Variants in ZBTB8B observed in about 807,000 individuals in gnomAD.
ZBTB8B encodes zinc finger and BTB domain-containing protein 8B.
ZBTB8B carries 17 observed loss-of-function variants against 30.3 expected under a neutral mutation model. The observed-to-expected ratio is 0.56, with a 90% CI of 0.38 to 0.84. The LOEUF (loss-of-function observed/expected upper bound fraction) is 0.84. ZBTB8B is among the 40% of genes least tolerant of loss of function. The pLI is 0.00. For synonymous variants in ZBTB8B, 248 were observed against 255.6 expected (o/e 0.97, Z 0.28); for missense variants, 515 against 644.9 (o/e 0.80, Z 2.18).
At chr1:32,479,409 G>T (rs1290919157) in intron 2 of ZBTB8B, among the ~76,000 whole-genome samples, 2 of 152,114 alleles carry the variant, frequency 1.3e-5, no homozygotes, top group Non-Finnish European at 2.9e-5. Flanking sequence ...TGTAATCCCA[G>T]CTACTCCGAA....
intron 2 of ZBTB8B, among the ~76,000 whole-genome samples, chr1:32,474,311 A>T (rs1280542176): frequency 7.7e-6 from 1 of 129,508 alleles, no homozygotes; most frequent in Admixed American, 8.9e-5. Flanking sequence ...GTTTGAGACC[A>T]GCCCGGGCAA....
rs538678124 is a variant in ZBTB8B at position 32,490,549 on chromosome 1, G to A, written c.*5131G>A. ...TTTTGGGGTCAGAGTAGTTTGGTTGGTTCCTAAACATGTCCTAGTTTTTGT... is the reference window on the plus strand; with the variant it reads ...TTTTGGGGTCAGAGTAGTTTGGTTGATTCCTAAACATGTCCTAGTTTTTGT... On this transcript the variant is annotated 3_prime_UTR_variant, in exon 4 of 4. Coordinates refer to ENST00000609129, the MANE Select transcript of ZBTB8B (RefSeq NM_001145720.2). 6.6e-6 allele frequency: 1 copy of A among 152,234 alleles called. No individual in the cohort carries two copies. The highest frequency in any genetic ancestry group is 2.1e-4 in the South Asian group (1 of 4,820). 9.4% of individuals were successfully genotyped at this position (152,234 alleles called of 1,614,324 possible). A position where few individuals can be genotyped will look rare whatever the true frequency, so the allele number is the denominator to read the frequency against.
rs186773914 is a variant in ZBTB8B, at chr1:32,465,560, G to T, written c.-42+455G>T. On this transcript the variant is annotated intron_variant, in intron 1 of 3. Transcript: ENST00000609129. This position sits in a 1 kb window ranked among gnomAD's most constrained non-coding sequence, Gnocchi z 4.1. ...CTCTGCAGGTCGTCTGATGCTGGAC[G>T]GGGGAGGGTCTGTCTTGCGAGCAGT... Among the ~76,000 whole-genome samples, 13 of 152,332 alleles carry T rather than the reference G, an allele frequency of 8.5e-5. No homozygotes were observed. The highest frequency in any genetic ancestry group is 2.0e-4 in the Admixed American group (3 of 15,298).
intron 2 of ZBTB8B, among the ~76,000 whole-genome samples, chr1:32,476,961 G>A (rs1643668923): frequency 6.6e-6 from 1 of 152,144 alleles, no homozygotes; most frequent in South Asian, 2.1e-4. Flanking sequence ...CTGAATGAAT[G>A]AATGAATGTG....
At chr1:32,475,551 A>G (rs1643659105) in intron 2 of ZBTB8B, among the ~76,000 whole-genome samples, 1 of 152,176 alleles carries the variant, frequency 6.6e-6, no homozygotes, top group Admixed American at 6.5e-5. Context: ...ACACCACTGC[A>G]CTCCAGCCTG....
At chr1:32,473,083 AG>A (rs1186264834) in intron 2 of ZBTB8B, among the ~76,000 whole-genome samples, 1 of 152,258 alleles carries the variant, frequency 6.6e-6, no homozygotes, top group East Asian at 1.9e-4. Flanking sequence ...TTGTGTTATA[AG>A]GTGTCTTGTA....
rs1643816186 is a variant in ZBTB8B, at chr1:32,496,172, A to C, written c.*10754A>C. The C allele has an allele frequency of 6.6e-6, 1 of 152,206 alleles. No individual in the cohort carries two copies. Among genetic ancestry groups the C allele is most frequent in the Admixed American group, 6.6e-5 (1 of 15,260 alleles). The allele number at this position is 152,206 out of a possible 1,614,324, so 9.4% of individuals were successfully genotyped here. ...GACCAACAATTTAGTAATACGAGACAATTTCTGGCAGACTATCCCAAGCTG... is the reference window on the plus strand; with the variant it reads ...GACCAACAATTTAGTAATACGAGACCATTTCTGGCAGACTATCCCAAGCTG... On this transcript the variant is annotated 3_prime_UTR_variant, in exon 4 of 4. Coordinates refer to ENST00000609129, the MANE Select transcript of ZBTB8B (RefSeq NM_001145720.2).
rs1378738869 is a variant in ZBTB8B at position 32,489,757 on chromosome 1, T to TG, written c.*4344dup. On this transcript the variant is annotated 3_prime_UTR_variant, in exon 4 of 4. Coordinates refer to ENST00000609129, the MANE Select transcript of ZBTB8B (RefSeq NM_001145720.2). The stretch of plus-strand genomic sequence containing the variant: ...GGCATTCTTGGGAAGTTATTTCTCT[T>TG]GGGGGATGAGGACCCCCTTCTCAAA... The TG allele has an allele frequency of 6.6e-6, 1 of 152,220 alleles. No individual in the cohort carries two copies. Among genetic ancestry groups the TG allele is most frequent in the Non-Finnish European group, 1.5e-5 (1 of 68,054 alleles). The allele number at this position is 152,220 out of a possible 1,614,324, so 9.4% of individuals were successfully genotyped here.
Position 32,466,439 on chromosome 1 carries a change from G to C in ZBTB8B, c.-42+1334G>C, listed in dbSNP as rs185137931. ...CCGTGGGATGGTTGGGAGGTTCCCT[G>C]CCAGAGTGCGGATAAATGTGCTTCT... On this transcript the variant is annotated intron_variant, in intron 1 of 3. Transcript: ENST00000609129. 3.9e-5 allele frequency among the ~76,000 whole-genome samples: 6 copies of C among 152,292 alleles called. No homozygotes were observed. In the East Asian group the frequency reaches 1.2e-3, roughly 29 times the overall value.
intron 2 of ZBTB8B, among the ~76,000 whole-genome samples, chr1:32,474,343 C>CAAAAAAAAAAAAAAAAAAAAAA (rs57001984): frequency 2.6e-5 from 1 of 39,142 alleles, no homozygotes; most frequent in African/African-American, 9.8e-5. Flanking sequence ...CCCATCTCTA[C>CAAAAAAAAAAAAAAAAAAAAAA]AAAAAAAAAA....
intron 2 of ZBTB8B, among the ~76,000 whole-genome samples, chr1:32,479,421 G>T (rs1643688328): frequency 6.6e-6 from 1 of 152,108 alleles, no homozygotes; most frequent in Non-Finnish European, 1.5e-5. Flanking sequence ...TACTCCGAAG[G>T]CTGAGGCAGG....
intron 1 of ZBTB8B, among the ~76,000 whole-genome samples, chr1:32,466,634 A>G (rs1346771466): frequency 6.6e-6 from 1 of 152,196 alleles, no homozygotes; most frequent in Non-Finnish European, 1.5e-5. Context: ...ATACGGATAG[A>G]CTTTTGCAAC....
At chr1:32,482,804 C>G (rs1416800415) in intron 3 of ZBTB8B, among the ~76,000 whole-genome samples, 3 of 150,426 alleles carry the variant, frequency 2.0e-5, no homozygotes, top group Middle Eastern at 3.2e-3. Flanking sequence ...GGATGAATAA[C>G]TCAATTAAAC....
Position 32,465,361 on chromosome 1 carries a change from G to T in ZBTB8B, c.-42+256G>T, listed in dbSNP as rs1018011829. ...TGTCCTCCGCGTCGTCCAGCCGGGG[G>T]TCGCGGCGCCGACTACTTCCACGGT... On this transcript the variant is annotated intron_variant, in intron 1 of 3. Transcript: ENST00000609129. The surrounding 1 kb of genome is among the most constrained non-coding windows in gnomAD (Gnocchi z 4.1). 6.6e-6 allele frequency among the ~76,000 whole-genome samples: 1 copy of T among 152,256 alleles called. No individual in the cohort carries two copies. Among genetic ancestry groups the T allele is most frequent in the Non-Finnish European group, 1.5e-5 (1 of 68,048 alleles).
chr1:32,469,866 T>C (rs1225291149), intron 1 of ZBTB8B, among the ~76,000 whole-genome samples: 1 of 152,202 alleles, frequency 6.6e-6, no homozygotes, highest in Non-Finnish European at 1.5e-5. Flanking sequence ...CTCTTATTTT[T>C]ATTAGATCCA....
chr1:32,469,560 T>C (rs1344016112), intron 1 of ZBTB8B, among the ~76,000 whole-genome samples: 1 of 152,042 alleles, frequency 6.6e-6, no homozygotes, highest in Non-Finnish European at 1.5e-5. Flanking sequence ...TGGCCTCAAG[T>C]ATAATTCTTA....
Position 32,486,085 on chromosome 1 carries a change from T to C in ZBTB8B, c.*667T>C, listed in dbSNP as rs1333595707. On this transcript the variant is annotated 3_prime_UTR_variant, in exon 4 of 4. Coordinates refer to ENST00000609129, the MANE Select transcript of ZBTB8B (RefSeq NM_001145720.2). ...AAGTTAGCCCTGAGAAGGGAGGCTA[T>C]GACCCCAGGTCTGGATGGTTTCCCT... 2 of 152,588 alleles carry C rather than the reference T, an allele frequency of 1.3e-5. No individual in the cohort carries two copies. Among genetic ancestry groups the C allele is most frequent in the Non-Finnish European group, 2.9e-5 (2 of 68,342 alleles). The allele number at this position is 152,588 out of a possible 1,614,324, so 9.5% of individuals were successfully genotyped here.
chr1:32,471,694 G>C (rs1242508098), intron 2 of ZBTB8B, 79 bp downstream of exon 2: 1 of 1,429,986 alleles, frequency 7.0e-7, no homozygotes, highest in Non-Finnish European at 9.3e-7. Context: ...CCATCATCAT[G>C]ATCATTATCA....
At chr1:32,470,327 C>T (rs1489236626) in intron 1 of ZBTB8B, among the ~76,000 whole-genome samples, 4 of 151,230 alleles carry the variant, frequency 2.6e-5, no homozygotes, top group Non-Finnish European at 4.4e-5. Flanking sequence ...GGTGAAACCC[C>T]GCCTCTACTA....
Sources: gnomAD v4.1 joint callset for allele counts (sites outside exome capture counted in the v4.1 genomes callset) on GRCh38, gnomAD v4.1.1 for gene constraint, Gnocchi (gnomAD v3.1) non-coding constraint, MANE v1.5 for transcripts, NCBI Gene and HGNC (gene_info 2026-07-23, HGNC 2026-07-21) for gene names.